The following RIPOR3 variants were observed in gnomAD, a reference collection of about 807,000 sequenced individuals.
The protein encoded by RIPOR3 is family with sequence similarity 65 member C.
A neutral mutation model predicts 114.3 loss-of-function variants in RIPOR3; 95 were observed. That is an observed-to-expected ratio of 0.83 (90% CI 0.70 to 0.99). The LOEUF (loss-of-function observed/expected upper bound fraction) is 0.99. Ranked by LOEUF, RIPOR3 falls within the 50% of genes least tolerant of loss-of-function variation. RIPOR3 has a pLI of 0.00. For synonymous variants in RIPOR3, 575 were observed against 543.8 expected (o/e 1.06, Z -0.80); for missense variants, 1,252 against 1,266.9 (o/e 0.99, Z 0.18).
intron 1 of RIPOR3, among the ~76,000 whole-genome samples, chr20:50,642,436 G>A (rs1481637716): frequency 1.3e-5 from 2 of 151,578 alleles, no homozygotes; most frequent in African/African-American, 2.4e-5. Flanking sequence ...GGCCAAATCC[G>A]TCACAGGTTT....
Position 50,602,160 on chromosome 20 carries a change from A to G in RIPOR3, c.1571T>C (p.Val524Ala), listed in dbSNP as rs1297590720. 6.2e-7 allele frequency: 1 copy of G among 1,612,424 alleles called. No individual in the cohort carries two copies. The highest frequency in any genetic ancestry group is 8.5e-7 in the Non-Finnish European group (1 of 1,179,588). ...GVALEGPLQE[V>A]LELLRPTDST... is the part of the protein sequence containing the mutation. The stretch of plus-strand genomic sequence containing the variant: ...GTCCGTGGGCCTCAGCAACTCCAGG[A>G]CCTCCTGCAGAGGCCCCTCGAGGGC... The change falls in exon 13 of 22, where the codon GTC becomes GCC. Residue 524 changes from valine to alanine, a missense_variant. By Grantham distance (64) the Val-to-Ala change is moderately conservative. Coordinates refer to ENST00000327979, the MANE Select transcript of RIPOR3 (RefSeq NM_001290268.2). This position sits in a 1 kb window ranked among gnomAD's most constrained non-coding sequence, Gnocchi z 4.3.
Position 50,667,857 on chromosome 20 carries a change from A to T in RIPOR3, c.3+23269T>A, listed in dbSNP as rs2086309267. On this transcript the variant is annotated intron_variant, in intron 1 of 21. Transcript: ENST00000327979. Reference sequence around the variant, plus strand: ...ACGTGCTTGCTTTGTGATTACGGGTAAGTTCCGTAGCCTCTCTGAGCTTCC... The same window carrying T: ...ACGTGCTTGCTTTGTGATTACGGGTTAGTTCCGTAGCCTCTCTGAGCTTCC... Among the ~76,000 whole-genome samples, 5 of 152,314 alleles carry T rather than the reference A, an allele frequency of 3.3e-5. No individual in the cohort carries two copies. In the South Asian group the frequency reaches 1.0e-3, roughly 32 times the overall value.
At chr20:50,624,993 C>T (rs755738635) in intron 2 of RIPOR3, among the ~76,000 whole-genome samples, 2 of 152,188 alleles carry the variant, frequency 1.3e-5, no homozygotes, top group South Asian at 2.1e-4. Context: ...AGGTGCCTGG[C>T]GGTGCTGGCC....
intron 1 of RIPOR3, among the ~76,000 whole-genome samples, chr20:50,637,120 C>T (rs1288178079): frequency 1.3e-5 from 2 of 152,144 alleles, no homozygotes; most frequent in Admixed American, 1.3e-4. Context: ...TCGCCTGTAC[C>T]AGAGGGGGCC....
intron 6 of RIPOR3, 62 bp downstream of exon 6, chr20:50,610,791 G>A (rs1469369019): frequency 2.5e-6 from 4 of 1,609,822 alleles, no homozygotes; most frequent in Non-Finnish European, 3.4e-6. Context: ...TGCTAACCTA[G>A]CTGAGGCCCA....
chr20:50,589,468 G>A (rs892572238), intron 20 of RIPOR3, among the ~76,000 whole-genome samples: 1 of 152,090 alleles, frequency 6.6e-6, no homozygotes, highest in Non-Finnish European at 1.5e-5. Flanking sequence ...TTGTGTGTGT[G>A]TATTATTAGT....
chr20:50,601,129 TG>T (rs1437309195), intron 13 of RIPOR3, among the ~76,000 whole-genome samples: 1 of 152,074 alleles, frequency 6.6e-6, no homozygotes, highest in Non-Finnish European at 1.5e-5. Context: ...AGGTGGGAGT[TG>T]CCATTTAAAA....
At chr20:50,666,227 T>C (rs866988648) in intron 1 of RIPOR3, among the ~76,000 whole-genome samples, 505 of 13,220 alleles carry the variant, frequency 0.038, 2 homozygotes, top group East Asian at 0.17. Flanking sequence ...CTTTTCTTTT[T>C]TGAGACGGAG....
At chr20:50,653,913 T>C (rs2085712049) in intron 1 of RIPOR3, 1 of 152,174 alleles carries the variant, frequency 6.6e-6, no homozygotes, top group African/African-American at 2.4e-5. Context: ...CAGAGGTCAC[T>C]GTTATTTAAT....
intron 1 of RIPOR3, among the ~76,000 whole-genome samples, chr20:50,674,823 C>G (rs1413090483): frequency 6.6e-6 from 1 of 151,718 alleles, no homozygotes; most frequent in African/African-American, 2.4e-5. Flanking sequence ...TGGCTTACAT[C>G]TGTAATCCTA....
rs151063101 is a variant in RIPOR3, at chr20:50,605,562, A to G, written c.957-788T>C. Among the ~76,000 whole-genome samples the G allele has an allele frequency of 3.1e-3, 477 of 152,176 alleles. 9 individuals are homozygous for G. The highest frequency in any genetic ancestry group is 0.022 in the Admixed American group (334 of 15,264). On this transcript the variant is annotated intron_variant, in intron 11 of 21. Coordinates refer to ENST00000327979, the MANE Select transcript of RIPOR3 (RefSeq NM_001290268.2). ...GGCAGGCAGATGACTTGAGCTCAGG[A>G]GTTCGAGACCAGCCTCCATAACCTG...
intron 1 of RIPOR3, among the ~76,000 whole-genome samples, chr20:50,631,430 G>A (rs1284504999): frequency 6.6e-6 from 1 of 152,236 alleles, no homozygotes; most frequent in African/African-American, 2.4e-5. Flanking sequence ...TAAGGCCGAG[G>A]GAACAGCCTG....
At chr20:50,594,493 C>T (rs2083221471) in intron 17 of RIPOR3, 60 bp downstream of exon 17, 3 of 1,570,470 alleles carry the variant, frequency 1.9e-6, no homozygotes, top group South Asian at 2.3e-5. Flanking sequence ...ACCCTGAAGG[C>T]CCTGGAGACT....
At chr20:50,648,573 A>C (rs746183527) in intron 1 of RIPOR3, among the ~76,000 whole-genome samples, 2 of 152,032 alleles carry the variant, frequency 1.3e-5, no homozygotes, top group Non-Finnish European at 1.5e-5. Context: ...TTCATTGTGC[A>C]CTTTATTTCT....
chr20:50,652,566 G>T (rs548979345), intron 1 of RIPOR3, among the ~76,000 whole-genome samples: 5 of 134,970 alleles, frequency 3.7e-5, no homozygotes, highest in Non-Finnish European at 6.2e-5. Flanking sequence ...ACTCCAGCCT[G>T]GGCGACAGAG....
At chr20:50,597,427 G>T in intron 14 of RIPOR3, 153 bp downstream of exon 14, 1 of 1,128,238 alleles carries the variant, frequency 8.9e-7, no homozygotes, top group Non-Finnish European at 1.2e-6. Context: ...GGATGTGCGG[G>T]GATGGCATGG....
chr20:50,663,775 C>G (rs1394474029), intron 1 of RIPOR3, among the ~76,000 whole-genome samples: 1 of 152,146 alleles, frequency 6.6e-6, no homozygotes, highest in African/African-American at 2.4e-5. Flanking sequence ...CCATTTGTCC[C>G]CCCATCCAAG....
At position 50,630,571 on chromosome 20, in the gene RIPOR3, ATCTC is replaced by A. The variant is rs140830420; in HGVS notation, c.122+163_122+166del. 6.1e-3 allele frequency among the ~76,000 whole-genome samples: 805 copies of A among 133,006 alleles called. 3 individuals carry two copies. Among genetic ancestry groups the A allele is most frequent in the African/African-American group, 0.016 (639 of 39,452 alleles). The allele number at this position is 133,006 out of a possible 152,430, so 87.3% of individuals were successfully genotyped here. ...TCTCTCTGTCTCTCTCTCAATCTCAATCTCTCTCTCTCTCTCTCTCTCTCTCTCT... is the reference window on the plus strand; with the variant it reads ...TCTCTCTGTCTCTCTCTCAATCTCAATCTCTCTCTCTCTCTCTCTCTCTCT... On this transcript the variant is annotated intron_variant, in intron 2 of 21. Coordinates refer to ENST00000327979, the MANE Select transcript of RIPOR3 (RefSeq NM_001290268.2).
At chr20:50,610,273 T>G (rs1018336445) in intron 6 of RIPOR3, among the ~76,000 whole-genome samples, 1 of 152,034 alleles carries the variant, frequency 6.6e-6, no homozygotes, top group African/African-American at 2.4e-5. Flanking sequence ...CATACCCAGC[T>G]CCTGGCAGCG....
Sources: allele counts gnomAD v4.1 joint callset (sites outside exome capture counted in the v4.1 genomes callset), GRCh38; gene constraint gnomAD v4.1.1; non-coding constraint Gnocchi (gnomAD v3.1); transcripts MANE v1.5; gene names NCBI Gene and HGNC (gene_info 2026-07-23, HGNC 2026-07-21).